Variants in KDM4B observed in about 807,000 individuals in gnomAD.
The protein encoded by KDM4B is lysine demethylase 4B, also known as lysine-specific demethylase 4B.
Under a neutral mutation model 125.2 loss-of-function variants are expected in KDM4B, and 32 were observed. That is an observed-to-expected ratio of 0.26 (90% confidence interval 0.19 to 0.34). The LOEUF is 0.34. Among genes scored for constraint, KDM4B ranks in the 10% least tolerant of loss-of-function variants. The pLI is 1.00. For synonymous variants in KDM4B, 721 were observed against 677.9 expected (o/e 1.06, Z -0.99); for missense variants, 1,190 against 1,577.7 (o/e 0.75, Z 4.16).
At chr19:5,134,092 A>T (rs758950961) in intron 14 of KDM4B, 31 bp downstream of exon 14, 1 of 1,557,584 alleles carries the variant, frequency 6.4e-7, no homozygotes, top group Non-Finnish European at 8.7e-7. Context: ...GGTCCCAGAG[A>T]ACCCCAGGCA....
chr19:4,986,756 A>G (rs924800960), intron 1 of KDM4B, among the ~76,000 whole-genome samples: 1 of 152,202 alleles, frequency 6.6e-6, no homozygotes, highest in Admixed American at 6.5e-5. Flanking sequence ...GATTTGGGAC[A>G]AGAGTGCTCC....
At chr19:5,089,408 A>G (rs775680786) in intron 9 of KDM4B, among the ~76,000 whole-genome samples, 11 of 152,146 alleles carry the variant, frequency 7.2e-5, no homozygotes, top group Non-Finnish European at 1.3e-4. Flanking sequence ...AAGTTCTATG[A>G]CCAGGGGATG....
intron 6 of KDM4B, among the ~76,000 whole-genome samples, chr19:5,065,045 G>A (rs540196750): frequency 2.4e-4 from 37 of 152,352 alleles, no homozygotes; most frequent in Admixed American, 1.8e-3. Flanking sequence ...TGCTTTGGCC[G>A]TGGCAGGCGG....
chr19:4,992,951 C>A lies in KDM4B; in HGVS notation c.-108-23306C>A, dbSNP rs143765974. Among the ~76,000 whole-genome samples, 5 of 152,272 alleles carry A rather than the reference C, an allele frequency of 3.3e-5. No individual in the cohort carries two copies. The East Asian group carries it at 9.6e-4, about 29-fold the overall frequency. ...GAACTTACTTTGGATGATCTGAATTCTTTTCAATTTAATGAGGCTTGTTTT... is the reference window on the plus strand; with the variant it reads ...GAACTTACTTTGGATGATCTGAATTATTTTCAATTTAATGAGGCTTGTTTT... On this transcript the variant is annotated intron_variant, in intron 1 of 22. Transcript: ENST00000159111.
chr19:5,125,062 T>C (rs1364369058), intron 11 of KDM4B, among the ~76,000 whole-genome samples: 1 of 151,734 alleles, frequency 6.6e-6, no homozygotes, highest in East Asian at 1.9e-4. Context: ...GCAACTCCGC[T>C]CATTTTTCAA....
At chr19:4,985,999 C>T (rs1054951735) in intron 1 of KDM4B, among the ~76,000 whole-genome samples, 2 of 152,246 alleles carry the variant, frequency 1.3e-5, no homozygotes, top group Admixed American at 6.5e-5. Flanking sequence ...CGGATCTCTT[C>T]TCAGCCTGAG....
At chr19:5,058,528 G>A (rs2037480031) in intron 6 of KDM4B, among the ~76,000 whole-genome samples, 1 of 152,158 alleles carries the variant, frequency 6.6e-6, no homozygotes, top group South Asian at 2.1e-4. Context: ...CATGTTCCAG[G>A]AGGATGGAGT....
intron 1 of KDM4B, among the ~76,000 whole-genome samples, chr19:5,013,841 C>T (rs771014312): frequency 6.6e-6 from 1 of 152,244 alleles, no homozygotes; most frequent in Non-Finnish European, 1.5e-5. Context: ...GTTCTGCTGC[C>T]CACAGCTGCG....
chr19:4,971,721 C>T lies in KDM4B; in HGVS notation c.-109+2491C>T, dbSNP rs1479695926. 1.3e-5 allele frequency among the ~76,000 whole-genome samples: 2 copies of T among 152,174 alleles called. No individual in the cohort carries two copies. Among genetic ancestry groups the T allele is most frequent in the African/African-American group, 2.4e-5 (1 of 41,420 alleles). ...GAATGGTGGTGTGCAGTCCGCTGCC[C>T]TCGGGCCCAGCTCAGGGAGCAGGCA... On this transcript the variant is annotated intron_variant, in intron 1 of 22. Coordinates refer to ENST00000159111, the MANE Select transcript of KDM4B (RefSeq NM_015015.3). The surrounding 1 kb of genome is among the most constrained non-coding windows in gnomAD (Gnocchi z 4.1).
intron 7 of KDM4B, among the ~76,000 whole-genome samples, 175 bp downstream of exon 7, chr19:5,071,234 G>T (rs11668898): frequency 0.018 from 2,707 of 152,312 alleles, 36 homozygotes; most frequent in Middle Eastern, 0.031. Context: ...TCCCACCCTC[G>T]TGGTCAGATT....
intron 21 of KDM4B, among the ~76,000 whole-genome samples, chr19:5,146,939 C>CAAAAAAAAAAA (rs1182135277): frequency 2.8e-4 from 17 of 60,540 alleles, no homozygotes; most frequent in Admixed American, 5.0e-4. Context: ...ACCCTGTCTC[C>CAAAAAAAAAAA]AAAAAAAAAA....
At chr19:5,033,804 A>G (rs1172350368) in intron 3 of KDM4B, among the ~76,000 whole-genome samples, 3 of 151,712 alleles carry the variant, frequency 2.0e-5, no homozygotes, top group African/African-American at 7.3e-5. Context: ...CACACAGCAG[A>G]CCCCCGAACC....
chr19:5,060,122 G>C (rs2037538319), intron 6 of KDM4B, among the ~76,000 whole-genome samples: 1 of 152,210 alleles, frequency 6.6e-6, no homozygotes. Context: ...TCTTGGCCGG[G>C]TGATCCCTCA....
intron 9 of KDM4B, among the ~76,000 whole-genome samples, chr19:5,106,881 G>A (rs572813784): frequency 1.3e-5 from 2 of 152,312 alleles, no homozygotes; most frequent in East Asian, 3.9e-4. Flanking sequence ...GGAGAACGGT[G>A]GGGGCAGAGA....
At chr19:5,041,387 T>G in intron 5 of KDM4B, 136 bp downstream of exon 5, 1 of 612,606 alleles carries the variant, frequency 1.6e-6, no homozygotes, top group Non-Finnish European at 2.9e-6. Flanking sequence ...AGGCTCTGGA[T>G]GCGGGCCTCG....
chr19:5,137,688 C>T lies in KDM4B; in HGVS notation c.2441+12C>T, dbSNP rs374679791. 58 of 1,574,328 alleles carry T rather than the reference C, an allele frequency of 3.7e-5. No homozygotes were observed. Among genetic ancestry groups the T allele is most frequent in the South Asian group, 2.1e-4 (18 of 87,596 alleles). On this transcript the variant is annotated intron_variant, in intron 17 of 22. Transcript: ENST00000159111. ...ACCACCGATAGGAGGTGGGTGGCAC[C>T]GCGCGTTGGGGCTGGAGGGCCGGAG...
intron 9 of KDM4B, among the ~76,000 whole-genome samples, chr19:5,106,179 C>T (rs746417941): frequency 5.9e-5 from 9 of 152,198 alleles, no homozygotes; most frequent in Non-Finnish European, 1.0e-4. Context: ...ATCTTGCCAG[C>T]GCACACCTCC....
chr19:5,148,980 C>T (rs949823082), intron 21 of KDM4B, among the ~76,000 whole-genome samples: 7 of 152,228 alleles, frequency 4.6e-5, no homozygotes, highest in Admixed American at 1.3e-4. Flanking sequence ...CAGAGGCAAC[C>T]GGCCATCTGA....
chr19:5,045,082 C>A (rs2036981952), intron 5 of KDM4B, among the ~76,000 whole-genome samples: 1 of 152,176 alleles, frequency 6.6e-6, no homozygotes, highest in African/African-American at 2.4e-5. Context: ...AGTTGCTGGA[C>A]CACGTGGTGA....
Sources: gnomAD v4.1 joint callset for allele counts (sites outside exome capture counted in the v4.1 genomes callset) on GRCh38, gnomAD v4.1.1 for gene constraint, Gnocchi (gnomAD v3.1) non-coding constraint, MANE v1.5 for transcripts, NCBI Gene and HGNC (gene_info 2026-07-23, HGNC 2026-07-21) for gene names.